Variants in MEGF10 observed in about 807,000 individuals in gnomAD.
The protein encoded by MEGF10 is multiple epidermal growth factor-like domains protein 10.
MEGF10 carries 86 observed loss-of-function variants against 147.5 expected under a neutral mutation model. That is an observed-to-expected ratio of 0.58 (90% CI 0.49 to 0.70). The LOEUF is 0.70. MEGF10 is among the 30% of genes least tolerant of loss of function. MEGF10 has a pLI of 0.00. For missense variants in MEGF10, 1,329 were observed against 1,487.3 expected, an observed-to-expected ratio of 0.89 and a Z score of 1.75; for synonymous variants, 478 against 525.5, an observed-to-expected ratio of 0.91 and a Z score of 1.24.
intron 8 of MEGF10, among the ~76,000 whole-genome samples, chr5:127,405,992 C>T (rs763218955): frequency 6.6e-6 from 1 of 152,008 alleles, no homozygotes; most frequent in African/African-American, 2.4e-5. Flanking sequence ...ATAGATTAGG[C>T]TGTTAGATAA....
At chr5:127,361,150 T>A (rs1762457318) in intron 4 of MEGF10, among the ~76,000 whole-genome samples, 1 of 152,012 alleles carries the variant, frequency 6.6e-6, no homozygotes, top group Non-Finnish European at 1.5e-5. Context: ...CTTGGTATAA[T>A]TCATCATTGA....
intron 5 of MEGF10, among the ~76,000 whole-genome samples, chr5:127,386,837 A>AGGCTGG (rs1763453473): frequency 6.6e-6 from 1 of 152,236 alleles, no homozygotes; most frequent in Non-Finnish European, 1.5e-5. Flanking sequence ...GGGACATCCC[A>AGGCTGG]ATGTGCAAAT....
chr5:127,330,354 G>A (rs1338738982), intron 1 of MEGF10, among the ~76,000 whole-genome samples: 3 of 152,062 alleles, frequency 2.0e-5, no homozygotes, highest in African/African-American at 7.2e-5. Context: ...CTGCACAATG[G>A]CTTATGAAAC....
intron 4 of MEGF10, among the ~76,000 whole-genome samples, chr5:127,348,281 C>T (rs566727795): frequency 1.3e-5 from 2 of 152,080 alleles, no homozygotes; most frequent in African/African-American, 4.8e-5. Flanking sequence ...AATGTATTGT[C>T]TTTTACTTTT....
chr5:127,298,780 A>C (rs1327472379), intron 1 of MEGF10, among the ~76,000 whole-genome samples: 2 of 152,328 alleles, frequency 1.3e-5, no homozygotes, highest in East Asian at 3.9e-4. Flanking sequence ...GCTGTAACAC[A>C]ACGCTGTTCA....
At chr5:127,391,573 TAA>T (rs1346677209) in intron 5 of MEGF10, among the ~76,000 whole-genome samples, 69 of 113,708 alleles carry the variant, frequency 6.1e-4, no homozygotes, top group Middle Eastern at 9.3e-3. Context: ...CTGTCTAAAA[TAA>T]AAAAAAAAAA....
At chr5:127,386,902 C>A (rs1477615820) in intron 5 of MEGF10, among the ~76,000 whole-genome samples, 2 of 152,292 alleles carry the variant, frequency 1.3e-5, no homozygotes, top group Non-Finnish European at 1.5e-5. Flanking sequence ...ACAAAAAGTA[C>A]TTTTTGTGTA....
chr5:127,339,732 C>T lies in MEGF10; in HGVS notation c.218+511C>T, dbSNP rs984808610. 3.3e-5 allele frequency among the ~76,000 whole-genome samples: 5 copies of T among 152,096 alleles called. 1 individual carries two copies. The highest frequency in any genetic ancestry group is 3.3e-4 in the Admixed American group (5 of 15,252). Reference sequence around the variant, plus strand: ...ATGCCCTAATTTTATTGGTAGTATACTAACATTTATAGTGTATGAGTTATG... The same window carrying T: ...ATGCCCTAATTTTATTGGTAGTATATTAACATTTATAGTGTATGAGTTATG... On this transcript the variant is annotated intron_variant, in intron 3 of 24. Coordinates refer to ENST00000503335, the MANE Select transcript of MEGF10 (RefSeq NM_001256545.2).
chr5:127,438,552 C>T lies in MEGF10; in HGVS notation c.2218C>T (p.Leu740Phe), dbSNP rs772955622. Reference protein sequence around the residue: ...ECKCTPGWTGLYCTQRCPLGF... With the variant: ...ECKCTPGWTGFYCTQRCPLGF... The stretch of plus-strand genomic sequence containing the variant: ...TAAATGCACTCCTGGCTGGACAGGG[C>T]TCTACTGCACTCAGAGTAAGTGACA... Residue 740 changes from leucine (L) to phenylalanine (F), a missense_variant, in exon 17 of 25, where the codon CTC becomes TTC. Around this residue, in one of 3 missense-constraint regions of MEGF10, gnomAD observed 980 missense variants for 1,085.9 expected, o/e 0.90. Coordinates refer to ENST00000503335, the MANE Select transcript of MEGF10 (RefSeq NM_001256545.2). The T allele has an allele frequency of 1.1e-5, 18 of 1,613,998 alleles. No individual in the cohort carries two copies. In the East Asian group the frequency reaches 3.8e-4, roughly 34 times the overall value.
intron 12 of MEGF10, among the ~76,000 whole-genome samples, chr5:127,420,994 G>A (rs1364282700): frequency 6.6e-6 from 1 of 152,152 alleles, no homozygotes; most frequent in African/African-American, 2.4e-5. Flanking sequence ...CTTCCACAAT[G>A]CTCTTGTCTC....
chr5:127,379,080 T>C (rs1763151704), intron 5 of MEGF10, among the ~76,000 whole-genome samples: 1 of 150,432 alleles, frequency 6.6e-6, no homozygotes, highest in East Asian at 1.9e-4. Flanking sequence ...TTTTTTTTTT[T>C]TTGATACTTG....
chr5:127,275,613 G>A, the MEGF10 span, among the ~76,000 whole-genome samples: 1 of 152,156 alleles, frequency 6.6e-6, no homozygotes, highest in South Asian at 2.1e-4. Context: ...TCTTTAAGAT[G>A]GAGACTAAAA....
chr5:127,443,722 A>G (rs1765839917), intron 19 of MEGF10, among the ~76,000 whole-genome samples: 1 of 152,240 alleles, frequency 6.6e-6, no homozygotes, highest in African/African-American at 2.4e-5. Flanking sequence ...TTTACTCAGC[A>G]TAATTATTTT....
At chr5:127,290,668 C>T (rs1013726696), upstream of MEGF10, among the ~76,000 whole-genome samples, 2 of 152,206 alleles carry the variant, frequency 1.3e-5, no homozygotes, top group Non-Finnish European at 2.9e-5. Context: ...CTAGGGACTG[C>T]GCGCGGCGCC....
chr5:127,399,064 TA>T (rs1264433895), intron 7 of MEGF10, among the ~76,000 whole-genome samples: 3 of 151,830 alleles, frequency 2.0e-5, no homozygotes, highest in East Asian at 1.9e-4. Context: ...CCCTTAAGGA[TA>T]AAAAAAAGAG....
intron 1 of MEGF10, among the ~76,000 whole-genome samples, chr5:127,330,689 T>A (rs1376105643): frequency 6.6e-6 from 1 of 152,214 alleles, no homozygotes. Flanking sequence ...GCACTATGTT[T>A]AAGAAACTTA....
In MEGF10 at chr5:127,457,765, A is replaced by G. The variant is rs183710966; in HGVS notation, c.*447A>G. The stretch of plus-strand genomic sequence containing the variant: ...TGAAAGTGGGAATCACTGAACATGT[A>G]GAAGACAAGGAACATATTGTTAACT... On this transcript the variant is annotated 3_prime_UTR_variant, in exon 25 of 25. Coordinates refer to ENST00000503335, the MANE Select transcript of MEGF10 (RefSeq NM_001256545.2). 6.9e-5 allele frequency: 11 copies of G among 159,556 alleles called. No homozygotes were observed. The East Asian group carries it at 1.6e-3, about 24-fold the overall frequency. The allele number at this position is 159,556 out of a possible 1,614,324, so 9.9% of individuals were successfully genotyped here.
At chr5:127,266,114 G>T in the MEGF10 span, among the ~76,000 whole-genome samples, 2 of 151,802 alleles carry the variant, frequency 1.3e-5, no homozygotes, top group South Asian at 2.1e-4. Context: ...GTAAGGAAGG[G>T]ATCCAGTTTC....
chr5:127,366,727 C>G (rs1014773490), intron 4 of MEGF10, among the ~76,000 whole-genome samples: 2 of 152,144 alleles, frequency 1.3e-5, no homozygotes, highest in Non-Finnish European at 1.5e-5. Flanking sequence ...TTACAATTGA[C>G]TGAACTTCTT....
Sources: gnomAD v4.1 joint callset for allele counts (sites outside exome capture counted in the v4.1 genomes callset) on GRCh38, gnomAD v4.1.1 for gene constraint, gnomAD v4.1.1 regional missense constraint, MANE v1.5 for transcripts, NCBI Gene and HGNC (gene_info 2026-07-23, HGNC 2026-07-21) for gene names.